Variants in NALF1 observed in about 807,000 individuals in gnomAD.
NALF1 encodes the protein family with sequence similarity 155 member A.
NALF1 carries 3 observed loss-of-function variants against 48.4 expected under a neutral mutation model. The ratio of observed to expected loss-of-function variants is 0.06; its 90% CI spans 0.03 to 0.16. The LOEUF (loss-of-function observed/expected upper bound fraction) is 0.16, where lower values mean the gene tolerates loss of function less well. NALF1 is among the 10% of genes least tolerant of loss of function. The pLI, the probability that NALF1 is intolerant of heterozygous loss-of-function variation, is 1.00. For synonymous variants in NALF1, 262 were observed against 245.7 expected, an observed-to-expected ratio of 1.07 and a Z score of -0.62; for missense variants, 526 against 571.5, an observed-to-expected ratio of 0.92 and a Z score of 0.81.
At chr13:107,277,002 T>C (rs921867701) in intron 1 of NALF1, among the ~76,000 whole-genome samples, 2 of 152,174 alleles carry the variant, frequency 1.3e-5, no homozygotes, top group African/African-American at 4.8e-5. Flanking sequence ...AAAAATTACC[T>C]TTCTCCTAAA....
intron 1 of NALF1, among the ~76,000 whole-genome samples, chr13:107,312,078 A>C (rs1340953382): frequency 2.0e-5 from 3 of 152,212 alleles, no homozygotes; most frequent in African/African-American, 7.2e-5. Flanking sequence ...CTTGGTATAA[A>C]TCCAAAGGAT....
intron 2 of NALF1, among the ~76,000 whole-genome samples, chr13:107,172,528 C>T (rs1878828203): frequency 6.6e-6 from 1 of 152,086 alleles, no homozygotes; most frequent in Admixed American, 6.6e-5. Context: ...ATGATGCTTA[C>T]AATATTCATT....
intron 1 of NALF1, among the ~76,000 whole-genome samples, chr13:107,770,350 G>C (rs990959516): frequency 2.7e-5 from 4 of 145,948 alleles, no homozygotes; most frequent in African/African-American, 7.6e-5. Context: ...GTGTAGATGA[G>C]GGGTAAAAGG....
chr13:107,381,118 A>T (rs1348476733), intron 1 of NALF1, among the ~76,000 whole-genome samples: 1 of 148,722 alleles, frequency 6.7e-6, no homozygotes, highest in Non-Finnish European at 1.5e-5. Context: ...ATATATTCAT[A>T]TATGAAATAA....
At chr13:107,360,452 C>T (rs918421924) in intron 1 of NALF1, among the ~76,000 whole-genome samples, 2 of 152,064 alleles carry the variant, frequency 1.3e-5, no homozygotes, top group South Asian at 2.1e-4. Context: ...TTGGTGGAGT[C>T]TTAGTTATTT....
At chr13:107,523,479 G>A (rs889706538) in intron 1 of NALF1, among the ~76,000 whole-genome samples, 12 of 151,292 alleles carry the variant, frequency 7.9e-5, no homozygotes, top group Admixed American at 5.9e-4. Flanking sequence ...CCATTAACTC[G>A]TCATTTAGCA....
chr13:107,754,872 C>T (rs1035388192), intron 1 of NALF1, among the ~76,000 whole-genome samples: 1 of 152,122 alleles, frequency 6.6e-6, no homozygotes, highest in Non-Finnish European at 1.5e-5. Context: ...ATTGTAAATC[C>T]TGTGGATGGG....
At chr13:107,397,651 T>A (rs185485529) in intron 1 of NALF1, among the ~76,000 whole-genome samples, 69 of 152,192 alleles carry the variant, frequency 4.5e-4, no homozygotes, top group African/African-American at 1.2e-3. Context: ...ATTTTTTTTT[T>A]ATCTTCCAAG....
chr13:107,450,043 G>T (rs1404658244), intron 1 of NALF1, among the ~76,000 whole-genome samples: 1 of 152,092 alleles, frequency 6.6e-6, no homozygotes, highest in Admixed American at 6.6e-5. Context: ...TATATATAAG[G>T]CCAAGAGATT....
rs571735050 is a variant in NALF1, at chr13:107,546,393, CAT to C, written c.915+319287_915+319288del. On this transcript the variant is annotated intron_variant, in intron 1 of 2. Coordinates refer to ENST00000375915, the MANE Select transcript of NALF1 (RefSeq NM_001080396.3). ...ACAGGTTTGCCCAGAAATCCTCTCACATGTTTCCTCTTAATTGACCTCATGGG... is the reference window on the plus strand; with the variant it reads ...ACAGGTTTGCCCAGAAATCCTCTCACGTTTCCTCTTAATTGACCTCATGGG... Among the ~76,000 whole-genome samples, 220 of 152,294 alleles carry C rather than the reference CAT, an allele frequency of 1.4e-3. 1 individual carries two copies. The highest frequency in any genetic ancestry group is 4.6e-3 in the African/African-American group (190 of 41,572).
At chr13:107,384,486 C>G (rs1004297891) in intron 1 of NALF1, among the ~76,000 whole-genome samples, 1 of 152,042 alleles carries the variant, frequency 6.6e-6, no homozygotes, top group African/African-American at 2.4e-5. Context: ...GTGTGAAAAT[C>G]TGTTTTTGGT....
At chr13:107,453,403 T>C (rs896530995) in intron 1 of NALF1, among the ~76,000 whole-genome samples, 3 of 152,244 alleles carry the variant, frequency 2.0e-5, no homozygotes, top group Admixed American at 6.5e-5. Context: ...ATGGAAGCCA[T>C]CAAGGCATGA....
At chr13:107,179,377 G>A (rs571031964) in intron 2 of NALF1, among the ~76,000 whole-genome samples, 1 of 152,126 alleles carries the variant, frequency 6.6e-6, no homozygotes, top group Admixed American at 6.6e-5. Flanking sequence ...GAAGGGTAGT[G>A]GGGGGTTGGT....
intron 1 of NALF1, among the ~76,000 whole-genome samples, chr13:107,250,025 T>A (rs931692633): frequency 1.3e-5 from 2 of 151,786 alleles, no homozygotes; most frequent in Non-Finnish European, 2.9e-5. Flanking sequence ...TAAAACAGAT[T>A]CTCTAGGGGT....
intron 1 of NALF1, among the ~76,000 whole-genome samples, chr13:107,261,209 G>A (rs1003606717): frequency 2.0e-5 from 3 of 152,138 alleles, no homozygotes; most frequent in African/African-American, 7.2e-5. Context: ...AGGGGAAGGA[G>A]GCAGGTGACA....
chr13:107,334,204 A>AAT, intron 1 of NALF1, among the ~76,000 whole-genome samples: 1 of 152,316 alleles, frequency 6.6e-6, no homozygotes, highest in East Asian at 1.9e-4. Flanking sequence ...TAATAGTCTA[A>AAT]AGATTTGCAT....
chr13:107,326,978 T>G (rs1882376310), intron 1 of NALF1, among the ~76,000 whole-genome samples: 1 of 152,112 alleles, frequency 6.6e-6, no homozygotes, highest in South Asian at 2.1e-4. Context: ...TTCCCTCACA[T>G]GATCCAGCCA....
intron 1 of NALF1, among the ~76,000 whole-genome samples, chr13:107,347,672 G>T (rs1055012645): frequency 1.3e-5 from 2 of 152,000 alleles, no homozygotes; most frequent in Admixed American, 6.6e-5. Context: ...AATGCATTAC[G>T]CAAAAGAAAA....
intron 1 of NALF1, among the ~76,000 whole-genome samples, chr13:107,288,279 G>A (rs1224280766): frequency 6.7e-6 from 1 of 148,298 alleles, no homozygotes; most frequent in Non-Finnish European, 1.5e-5. Flanking sequence ...GAGGGCAGTG[G>A]CGCGATCTCG....
Sources: gnomAD v4.1 joint callset for allele counts (sites outside exome capture counted in the v4.1 genomes callset) on GRCh38, gnomAD v4.1.1 for gene constraint, MANE v1.5 for transcripts, NCBI Gene and HGNC (gene_info 2026-07-23, HGNC 2026-07-21) for gene names.